ZNF423: variants seen among roughly 807,000 people sequenced by gnomAD.
ZNF423 encodes the protein zinc finger protein 423.
In ZNF423, 12 loss-of-function variants were observed where a neutral mutation model predicts 95.8. The ratio of observed to expected loss-of-function variants is 0.13; its 90% CI spans 0.08 to 0.20. The LOEUF (loss-of-function observed/expected upper bound fraction) is 0.20. ZNF423 is among the 10% of genes least tolerant of loss of function. ZNF423 has a pLI of 1.00. For missense variants in ZNF423, 1,316 were observed against 1,737.1 expected, an observed-to-expected ratio of 0.76 and a Z score of 4.31; for synonymous variants, 749 against 711.9, an observed-to-expected ratio of 1.05 and a Z score of -0.83.
intron 3 of ZNF423, among the ~76,000 whole-genome samples, chr16:49,668,497 A>C (rs2030647269): frequency 6.6e-6 from 1 of 152,208 alleles, no homozygotes; most frequent in Non-Finnish European, 1.5e-5. Flanking sequence ...CACAGGCTCC[A>C]TCCAGAAGGT....
chr16:49,649,803 G>T (rs1308439111), intron 3 of ZNF423, among the ~76,000 whole-genome samples: 1 of 152,204 alleles, frequency 6.6e-6, no homozygotes, highest in Non-Finnish European at 1.5e-5. Flanking sequence ...AAAGGAAAGG[G>T]ATGAGGCTAT....
chr16:49,855,647 G>A lies in ZNF423; in HGVS notation c.40+88C>T, dbSNP rs907587853. The A allele has an allele frequency of 1.2e-5, 2 of 163,416 alleles. No individual in the cohort carries two copies. The highest frequency in any genetic ancestry group is 2.6e-5 in the Non-Finnish European group (2 of 76,032). 10.1% of individuals were successfully genotyped at this position (163,416 alleles called of 1,614,324 possible). On this transcript the variant is annotated intron_variant, in intron 1 of 7. Coordinates refer to ENST00000563137, the MANE Select transcript of ZNF423 (RefSeq NM_001379286.1). This position sits in a 1 kb window ranked among gnomAD's most constrained non-coding sequence, Gnocchi z 4.7. The stretch of plus-strand genomic sequence containing the variant: ...CTCGGCTCGCTCGCGCGGGTCCCCG[G>A]CAGCCAGCCCGCTCGCCGGTCCCTC...
At chr16:49,535,767 T>A (rs1969037028) in intron 5 of ZNF423, among the ~76,000 whole-genome samples, 1 of 152,180 alleles carries the variant, frequency 6.6e-6, no homozygotes, top group Admixed American at 6.5e-5. Context: ...ATCCTGGGGA[T>A]CCACTAGGTA....
chr16:49,857,157 G>A (rs2035380318), upstream of ZNF423, among the ~76,000 whole-genome samples: 1 of 150,498 alleles, frequency 6.6e-6, no homozygotes, highest in Admixed American at 6.6e-5. The surrounding 1 kb of genome is among the most constrained non-coding windows in gnomAD (Gnocchi z 6.2). Flanking sequence ...GAGGATGTGA[G>A]GAGCGGAGTC....
chr16:49,616,827 T>A (rs1170841235), intron 5 of ZNF423, among the ~76,000 whole-genome samples: 1 of 152,154 alleles, frequency 6.6e-6, no homozygotes, highest in Non-Finnish European at 1.5e-5. Flanking sequence ...GTATATAGGC[T>A]TAGCATGGCC....
At chr16:49,819,204 C>T (rs989163959) in intron 1 of ZNF423, among the ~76,000 whole-genome samples, 5 of 134,428 alleles carry the variant, frequency 3.7e-5, no homozygotes, top group African/African-American at 1.1e-4. Flanking sequence ...GAGCAGAGAT[C>T]GTGCCACTGC....
At chr16:49,599,502 T>A (rs969069381) in intron 5 of ZNF423, among the ~76,000 whole-genome samples, 71 of 152,148 alleles carry the variant, frequency 4.7e-4, no homozygotes, top group African/African-American at 1.7e-3. Context: ...AGCAAGTGAG[T>A]GGCAGAGCCG....
intron 2 of ZNF423, among the ~76,000 whole-genome samples, chr16:49,779,530 A>T (rs778361190): frequency 3.0e-4 from 45 of 152,254 alleles, no homozygotes; most frequent in Admixed American, 9.8e-4. Flanking sequence ...TTCAAGTTTG[A>T]GGAGCACTGG....
intron 5 of ZNF423, among the ~76,000 whole-genome samples, chr16:49,575,820 G>A (rs914682813): frequency 5.3e-5 from 8 of 152,160 alleles, no homozygotes; most frequent in African/African-American, 1.9e-4. Context: ...GGTACTTCTC[G>A]CACACTCTGA....
chr16:49,768,283 C>G (rs1323673976), intron 2 of ZNF423, among the ~76,000 whole-genome samples: 1 of 151,780 alleles, frequency 6.6e-6, no homozygotes, highest in Non-Finnish European at 1.5e-5. Context: ...AGTCTGCAGA[C>G]GAGAGTTCAT....
chr16:49,806,320 G>A (rs1284284513), intron 1 of ZNF423, among the ~76,000 whole-genome samples: 4 of 152,212 alleles, frequency 2.6e-5, no homozygotes, highest in African/African-American at 9.6e-5. Context: ...CATCAGCCTG[G>A]GGCCCAGCCC....
chr16:49,526,418 G>C (rs1444225539), intron 5 of ZNF423, among the ~76,000 whole-genome samples: 1 of 152,130 alleles, frequency 6.6e-6, no homozygotes, highest in Non-Finnish European at 1.5e-5. Flanking sequence ...AAAGGCGCCG[G>C]GGGACACAGA....
chr16:49,857,544 C>T (rs1383826459), upstream of ZNF423, among the ~76,000 whole-genome samples: 1 of 152,206 alleles, frequency 6.6e-6, no homozygotes, highest in African/African-American at 2.4e-5. The surrounding 1 kb of genome is among the most constrained non-coding windows in gnomAD (Gnocchi z 6.2). Flanking sequence ...ATGCCTCACG[C>T]ACATGAACTA....
chr16:49,709,168 T>TTTTATATATATATATATATATATATA (rs68002485), intron 3 of ZNF423, among the ~76,000 whole-genome samples: 3 of 93,418 alleles, frequency 3.2e-5, no homozygotes, highest in African/African-American at 1.5e-4. Context: ...CAGCAGCCGT[T>TTTTATATATATATATATATATATATA]TATATATATA....
chr16:49,731,241 C>G (rs2033161139), intron 2 of ZNF423: 1 of 848,066 alleles, frequency 1.2e-6, no homozygotes, highest in Non-Finnish European at 1.4e-6. Context: ...GGGCCGTGAC[C>G]CATCGGAGAG....
At chr16:49,617,393 C>T (rs1971914509) in intron 5 of ZNF423, among the ~76,000 whole-genome samples, 1 of 152,220 alleles carries the variant, frequency 6.6e-6, no homozygotes, top group Admixed American at 6.5e-5. Flanking sequence ...GGAAATTGCC[C>T]ATGCATCAGC....
chr16:49,610,364 A>C (rs1971683410), intron 5 of ZNF423, among the ~76,000 whole-genome samples: 1 of 152,168 alleles, frequency 6.6e-6, no homozygotes, highest in Admixed American at 6.5e-5. Flanking sequence ...TACTAAATAT[A>C]TGCAGAAGAA....
chr16:49,807,525 A>T (rs193038719), intron 1 of ZNF423, among the ~76,000 whole-genome samples: 1 of 152,042 alleles, frequency 6.6e-6, no homozygotes, highest in Admixed American at 6.5e-5. Flanking sequence ...CCACAAAGAC[A>T]CCCCGGGGTA....
chr16:49,750,179 A>G (rs1453338477), intron 2 of ZNF423, among the ~76,000 whole-genome samples: 1 of 152,156 alleles, frequency 6.6e-6, no homozygotes, highest in Non-Finnish European at 1.5e-5. Context: ...TGATCTGGGG[A>G]AAAGTTTAGG....
Sources: allele counts gnomAD v4.1 joint callset (sites outside exome capture counted in the v4.1 genomes callset), GRCh38; gene constraint gnomAD v4.1.1; non-coding constraint Gnocchi (gnomAD v3.1); transcripts MANE v1.5; gene names NCBI Gene and HGNC (gene_info 2026-07-23, HGNC 2026-07-21).